SDK1: variants seen among roughly 807,000 people sequenced by gnomAD.
The protein encoded by SDK1 is protein sidekick-1.
Under a neutral mutation model 245.5 loss-of-function variants are expected in SDK1, and 157 were observed. That is an observed-to-expected ratio of 0.64 (90% CI 0.56 to 0.73). The LOEUF (loss-of-function observed/expected upper bound fraction) is 0.73. SDK1 is among the 30% of genes least tolerant of loss of function. The pLI, the probability that SDK1 is intolerant of heterozygous loss-of-function variation, is 0.00. For synonymous variants in SDK1, 1,647 were observed against 1,278.5 expected (o/e 1.29, Z -6.15); for missense variants, 3,583 against 3,002.3 (o/e 1.19, Z -4.52).
intron 1 of SDK1, among the ~76,000 whole-genome samples, chr7:3,311,595 A>T (rs1413945517): frequency 6.6e-6 from 1 of 152,186 alleles, no homozygotes. Flanking sequence ...TGGGAAAAAA[A>T]ATTGTCATTT....
At chr7:3,679,391 C>T (rs565982788) in intron 4 of SDK1, among the ~76,000 whole-genome samples, 21 of 152,128 alleles carry the variant, frequency 1.4e-4, no homozygotes, top group African/African-American at 5.1e-4. Flanking sequence ...ATGGTGAAAC[C>T]CCGTCTCTAC....
intron 4 of SDK1, among the ~76,000 whole-genome samples, chr7:3,717,364 G>A (rs59322990): frequency 0.028 from 4,287 of 152,214 alleles, 208 homozygotes; most frequent in African/African-American, 0.099. Context: ...GTATCTTAAA[G>A]GGAATAAAGG....
intron 1 of SDK1, among the ~76,000 whole-genome samples, chr7:3,502,720 G>A (rs994259029): frequency 6.6e-5 from 10 of 152,090 alleles, no homozygotes; most frequent in South Asian, 2.1e-4. Flanking sequence ...TTGGGGTACC[G>A]TTTGGTATTT....
rs907193337 is a variant in SDK1, at chr7:4,265,713, G to A, written c.*329G>A. 1 of 1,110,354 alleles carries A rather than the reference G, an allele frequency of 9.0e-7. No homozygotes were observed. The highest frequency in any genetic ancestry group is 1.1e-6 in the Non-Finnish European group (1 of 914,264). 68.8% of individuals were successfully genotyped at this position (1,110,354 alleles called of 1,614,324 possible). On this transcript the variant is annotated 3_prime_UTR_variant, in exon 45 of 45. Coordinates refer to ENST00000404826, the MANE Select transcript of SDK1 (RefSeq NM_152744.4). Reference sequence around the variant, plus strand: ...CAGCCCTGGGTTTCTCCGTCTTCAAGACCAACTAGGAAGGGTCAAGCGGGG... The same window carrying A: ...CAGCCCTGGGTTTCTCCGTCTTCAAAACCAACTAGGAAGGGTCAAGCGGGG...
intron 4 of SDK1, among the ~76,000 whole-genome samples, chr7:3,815,769 C>T (rs1315997996): frequency 6.6e-6 from 1 of 151,426 alleles, no homozygotes; most frequent in Non-Finnish European, 1.5e-5. Context: ...CAGAACTCTC[C>T]ACCCCAAATC....
intron 22 of SDK1, among the ~76,000 whole-genome samples, chr7:4,081,750 A>G (rs532723643): frequency 1.3e-5 from 2 of 152,312 alleles, no homozygotes; most frequent in African/African-American, 4.8e-5. Context: ...AATGTAAAAC[A>G]TCTTAAATAT....
At chr7:4,194,293 CGTATGT>C (rs1783421126) in intron 35 of SDK1, among the ~76,000 whole-genome samples, 1 of 98,774 alleles carries the variant, frequency 1.0e-5, no homozygotes, top group South Asian at 3.5e-4. Flanking sequence ...TATGTATGCA[CGTATGT>C]GTATACATGT....
intron 1 of SDK1, among the ~76,000 whole-genome samples, chr7:3,539,028 AAG>A (rs1430659236): frequency 6.6e-6 from 1 of 152,194 alleles, no homozygotes. Context: ...GTTCATAGGA[AAG>A]AGTGTCTGGT....
chr7:3,968,213 A>G (rs557305779), intron 10 of SDK1, among the ~76,000 whole-genome samples: 1 of 152,334 alleles, frequency 6.6e-6, no homozygotes, highest in East Asian at 1.9e-4. Context: ...TGCCTTCTGC[A>G]GTCAACCTGG....
chr7:3,399,964 G>C (rs1179448453), intron 1 of SDK1, among the ~76,000 whole-genome samples: 1 of 152,078 alleles, frequency 6.6e-6, no homozygotes, highest in Non-Finnish European at 1.5e-5. Context: ...AAATGCCCTA[G>C]GGTAGAGGGC....
chr7:4,182,809 T>G lies in SDK1; in HGVS notation c.5098+4223T>G, dbSNP rs375183383. Among the ~76,000 whole-genome samples the G allele has an allele frequency of 7.9e-5, 12 of 152,238 alleles. No individual in the cohort carries two copies. In the East Asian group the frequency reaches 2.3e-3, roughly 29 times the overall value. ...GGCTGGCAGAGGCTGTGAGGCCACT[T>G]TAGGGCCCTGGCAGATGGGGAGCAG... is the stretch of plus-strand genomic sequence containing the variant. On this transcript the variant is annotated intron_variant, in intron 35 of 44. Transcript: ENST00000404826.
At chr7:4,206,403 C>T (rs543584137) in intron 36 of SDK1, among the ~76,000 whole-genome samples, 1 of 152,224 alleles carries the variant, frequency 6.6e-6, no homozygotes, top group Admixed American at 6.5e-5. Flanking sequence ...CCCAGCTCCC[C>T]CCTTGGTCAC....
chr7:3,549,239 A>C (rs1397478649), intron 1 of SDK1, among the ~76,000 whole-genome samples: 1 of 152,194 alleles, frequency 6.6e-6, no homozygotes, highest in East Asian at 1.9e-4. Flanking sequence ...TGTGATCTCT[A>C]TGAGTTATAG....
At chr7:3,870,579 AG>A (rs1440358706) in intron 5 of SDK1, among the ~76,000 whole-genome samples, 3 of 151,722 alleles carry the variant, frequency 2.0e-5, no homozygotes, top group African/African-American at 7.3e-5. Context: ...GAAAAAAAAA[AG>A]TAAACTTTTA....
chr7:4,124,346 A>T (rs1486228452), intron 25 of SDK1, among the ~76,000 whole-genome samples: 1 of 152,172 alleles, frequency 6.6e-6, no homozygotes, highest in Non-Finnish European at 1.5e-5. Context: ...CTTGGGAAGG[A>T]TCTGTCCTGG....
In SDK1 at chr7:3,895,878, T is replaced by C. The variant is rs551788627; in HGVS notation, c.848-55045T>C. On this transcript the variant is annotated intron_variant, in intron 5 of 44. Transcript: ENST00000404826. The stretch of plus-strand genomic sequence containing the variant: ...TAAGTGTGTTGTTAAGTTCTAACTC[T>C]TTGGCGATTTTCCAGATAACTTTCT... Among the ~76,000 whole-genome samples the C allele has an allele frequency of 7.2e-5, 11 of 152,340 alleles. No homozygotes were observed. In the South Asian group the frequency reaches 2.3e-3, roughly 32 times the overall value.
intron 4 of SDK1, among the ~76,000 whole-genome samples, chr7:3,651,531 T>C (rs182166002): frequency 5.1e-4 from 78 of 152,150 alleles, no homozygotes; most frequent in African/African-American, 1.8e-3. Context: ...GGAAAAAATA[T>C]GGAAAATCTA....
At chr7:3,546,959 A>G (rs1289592441) in intron 1 of SDK1, among the ~76,000 whole-genome samples, 3 of 152,146 alleles carry the variant, frequency 2.0e-5, no homozygotes, top group African/African-American at 7.2e-5. Context: ...ATCTTTTCAC[A>G]CTTTTGATTT....
At chr7:3,663,577 G>T (rs1395853865) in intron 4 of SDK1, among the ~76,000 whole-genome samples, 4 of 152,166 alleles carry the variant, frequency 2.6e-5, no homozygotes, top group South Asian at 2.1e-4. Context: ...CATGTGGCCA[G>T]AGAGGGGGAC....
Sources: gnomAD v4.1 joint callset for allele counts (sites outside exome capture counted in the v4.1 genomes callset) on GRCh38, gnomAD v4.1.1 for gene constraint, MANE v1.5 for transcripts, NCBI Gene and HGNC (gene_info 2026-07-23, HGNC 2026-07-21) for gene names.